The following ROBO1 variants were observed in gnomAD, a reference collection of about 807,000 sequenced individuals.
ROBO1 encodes roundabout homolog 1.
A neutral mutation model predicts 195.9 loss-of-function variants in ROBO1; 149 were observed. That is an observed-to-expected ratio of 0.76 (90% confidence interval 0.67 to 0.87). ROBO1 has a LOEUF of 0.87. Ranked by LOEUF, ROBO1 falls within the 40% of genes least tolerant of loss-of-function variation. ROBO1 has a pLI of 0.00. For synonymous variants in ROBO1, 816 were observed against 733.2 expected, an observed-to-expected ratio of 1.11 and a Z score of -1.82; for missense variants, 1,933 against 2,068.3, an observed-to-expected ratio of 0.93 and a Z score of 1.27.
intron 2 of ROBO1, among the ~76,000 whole-genome samples, chr3:79,213,397 A>G (rs181330895): frequency 6.6e-6 from 1 of 152,342 alleles, no homozygotes; most frequent in Admixed American, 6.5e-5. Flanking sequence ...ATAAAATTGC[A>G]GAAGTTTAGT....
chr3:79,293,530 C>T (rs1204301331), intron 2 of ROBO1, among the ~76,000 whole-genome samples: 2 of 152,048 alleles, frequency 1.3e-5, no homozygotes, highest in Admixed American at 6.5e-5. Flanking sequence ...CTATAATTTT[C>T]CCTCTAAACA....
At chr3:78,802,097 G>C (rs927247706) in intron 4 of ROBO1, among the ~76,000 whole-genome samples, 1 of 152,118 alleles carries the variant, frequency 6.6e-6, no homozygotes, top group African/African-American at 2.4e-5. Context: ...AACATCAGAT[G>C]ATTCAACAGG....
In ROBO1 at chr3:79,010,634, T is replaced by A. The variant is rs568975521; in HGVS notation, c.173-71707A>T. Among the ~76,000 whole-genome samples, 6 of 152,280 alleles carry A rather than the reference T, an allele frequency of 3.9e-5. No homozygotes were observed. The South Asian group carries it at 1.0e-3, about 26-fold the overall frequency. ...TCATGTAAACACATATATTTATTTATCTATATCTACATATAGACTCCTAAA... is the reference window on the plus strand; with the variant it reads ...TCATGTAAACACATATATTTATTTAACTATATCTACATATAGACTCCTAAA... On this transcript the variant is annotated intron_variant, in intron 3 of 30. Transcript: ENST00000464233.
rs545508848 is a variant in ROBO1, at chr3:79,765,628, TA to T, written c.-51+2123del. The stretch of plus-strand genomic sequence containing the variant: ...AAAACCCAGTTATGAGGCTTCCAAA[TA>T]AATCAGTGGATTTTCAACTTTTTTT... On this transcript the variant is annotated intron_variant, in intron 1 of 30. Coordinates refer to ENST00000464233, the MANE Select transcript of ROBO1 (RefSeq NM_002941.4). 1.4e-3 allele frequency among the ~76,000 whole-genome samples: 212 copies of T among 152,310 alleles called. 1 individual carries two copies. The highest frequency in any genetic ancestry group is 2.4e-3 in the Non-Finnish European group (160 of 68,020).
At chr3:79,380,063 A>G (rs1471672024) in intron 2 of ROBO1, among the ~76,000 whole-genome samples, 1 of 152,208 alleles carries the variant, frequency 6.6e-6, no homozygotes, top group Non-Finnish European at 1.5e-5. Flanking sequence ...GATTCCTCAC[A>G]TAATTATTCT....
At chr3:79,404,411 A>G (rs921985167) in intron 2 of ROBO1, among the ~76,000 whole-genome samples, 8 of 152,168 alleles carry the variant, frequency 5.3e-5, no homozygotes, top group Non-Finnish European at 8.8e-5. Flanking sequence ...CCATAATTGC[A>G]TATTAGAGAA....
At chr3:78,605,747 C>T (rs1414513114) in intron 29 of ROBO1, among the ~76,000 whole-genome samples, 1 of 152,046 alleles carries the variant, frequency 6.6e-6, no homozygotes, top group Non-Finnish European at 1.5e-5. Context: ...TAACATTTTC[C>T]CTGTTCTTTA....
chr3:78,883,145 C>T (rs190461254), intron 4 of ROBO1, among the ~76,000 whole-genome samples: 5 of 151,938 alleles, frequency 3.3e-5, no homozygotes, highest in African/African-American at 9.6e-5. Flanking sequence ...TTCTTCTCTA[C>T]GGCAGAAGCA....
At chr3:79,188,235 GAA>G (rs2081476284) in intron 2 of ROBO1, among the ~76,000 whole-genome samples, 3 of 151,892 alleles carry the variant, frequency 2.0e-5, no homozygotes, top group Admixed American at 2.0e-4. Context: ...ACTTTTACAT[GAA>G]AATATCTTTA....
At chr3:78,737,935 T>C (rs1228810633) in intron 5 of ROBO1, among the ~76,000 whole-genome samples, 6 of 152,212 alleles carry the variant, frequency 3.9e-5, no homozygotes, top group Non-Finnish European at 2.9e-5. Flanking sequence ...ATGTATTTAT[T>C]TTGCAGAAAC....
At chr3:79,294,162 C>A (rs1348957323) in intron 2 of ROBO1, among the ~76,000 whole-genome samples, 10 of 138,032 alleles carry the variant, frequency 7.2e-5, no homozygotes, top group African/African-American at 2.7e-4. Flanking sequence ...GCAAAAAGAA[C>A]AAAGCTGGAG....
At chr3:79,705,460 C>T (rs929083264) in intron 1 of ROBO1, among the ~76,000 whole-genome samples, 3 of 151,936 alleles carry the variant, frequency 2.0e-5, no homozygotes, top group Non-Finnish European at 4.4e-5. Context: ...TGTCATTGTG[C>T]TCCTTTGTCA....
intron 3 of ROBO1, 27 bp downstream of exon 3, chr3:79,125,429 T>C (rs1559678383): frequency 1.9e-6 from 3 of 1,586,024 alleles, no homozygotes; most frequent in South Asian, 2.2e-5. Flanking sequence ...CAGGAGGAAG[T>C]TAGTATTTGG....
chr3:78,597,263 A>C lies in ROBO1; in HGVS notation c.*1650T>G, dbSNP rs1257256262. ...ATGTATTTGAGAACATTTTTAATAA[A>C]TAATGTGACAAAATTACTTTTCTGA... is the stretch of plus-strand genomic sequence containing the variant. On this transcript the variant is annotated 3_prime_UTR_variant, in exon 31 of 31. Transcript: ENST00000464233. The C allele has an allele frequency of 6.6e-6, 1 of 152,614 alleles. No homozygotes were observed. The highest frequency in any genetic ancestry group is 2.4e-5 in the African/African-American group (1 of 41,466). 9.5% of individuals were successfully genotyped at this position (152,614 alleles called of 1,614,324 possible). A position where few individuals can be genotyped will look rare whatever the true frequency, so the allele number is the denominator to read the frequency against.
At chr3:78,660,351 A>G (rs1318679919) in intron 16 of ROBO1, 1 of 152,916 alleles carries the variant, frequency 6.5e-6, no homozygotes. Flanking sequence ...TGTTTCCACC[A>G]AACATCCCAG....
At chr3:79,726,619 T>A (rs1428021085) in intron 1 of ROBO1, among the ~76,000 whole-genome samples, 1 of 152,214 alleles carries the variant, frequency 6.6e-6, no homozygotes, top group Non-Finnish European at 1.5e-5. Context: ...GTTTTAGTTT[T>A]GAGATTATTG....
chr3:78,988,053 G>C (rs191435707), intron 3 of ROBO1, among the ~76,000 whole-genome samples: 7 of 152,258 alleles, frequency 4.6e-5, no homozygotes, highest in African/African-American at 1.7e-4. Context: ...CTTTTGGTGA[G>C]TAAATAGACA....
chr3:78,891,810 C>T (rs538565113), intron 4 of ROBO1, among the ~76,000 whole-genome samples: 4 of 152,204 alleles, frequency 2.6e-5, no homozygotes, highest in South Asian at 4.1e-4. Context: ...AATTTCAAAA[C>T]GTGTTAAGTC....
intron 2 of ROBO1, among the ~76,000 whole-genome samples, chr3:79,187,605 A>C (rs1030190895): frequency 2.6e-5 from 4 of 151,958 alleles, no homozygotes; most frequent in Non-Finnish European, 1.5e-5. Flanking sequence ...CTTTTGAACG[A>C]AAGTTCCAAA....
Sources: gnomAD v4.1 joint callset for allele counts (sites outside exome capture counted in the v4.1 genomes callset) on GRCh38, gnomAD v4.1.1 for gene constraint, MANE v1.5 for transcripts, NCBI Gene and HGNC (gene_info 2026-07-23, HGNC 2026-07-21) for gene names.